Variants in MAP3K8 observed in about 807,000 individuals in gnomAD.
MAP3K8 encodes Ewing sarcoma transformant.
A neutral mutation model predicts 45.8 loss-of-function variants in MAP3K8; 22 were observed. That is an observed-to-expected ratio of 0.48 (90% CI 0.34 to 0.69). MAP3K8 has a LOEUF of 0.69. Among genes scored for constraint, MAP3K8 ranks in the 30% least tolerant of loss-of-function variants. The pLI is 0.01. For synonymous variants in MAP3K8, 223 were observed against 214.3 expected, an observed-to-expected ratio of 1.04 and a Z score of -0.36; for missense variants, 419 against 585.0, an observed-to-expected ratio of 0.72 and a Z score of 2.93.
In MAP3K8 at chr10:30,443,616, G is replaced by A. The variant is rs116996692; in HGVS notation, c.337-4166G>A. 1.2e-4 allele frequency among the ~76,000 whole-genome samples: 19 copies of A among 152,334 alleles called. No homozygotes were observed. The East Asian group carries it at 3.1e-3, about 25-fold the overall frequency. ...GTTGTGATCAGCAGAGTGGGACAGA[G>A]CTAGCTTGGCCTTTGTGCTAGATAA... On this transcript the variant is annotated intron_variant, in intron 3 of 8. Transcript: ENST00000263056.
At chr10:30,459,660 GTT>G (rs758260441) in intron 8 of MAP3K8, among the ~76,000 whole-genome samples, 159 bp downstream of exon 8, 1 of 147,870 alleles carries the variant, frequency 6.8e-6, no homozygotes, top group African/African-American at 2.5e-5. Context: ...GCAGAAGCAT[GTT>G]TTTTTTTTTA....
intron 3 of MAP3K8, 175 bp downstream of exon 3, chr10:30,439,449 A>G (rs1285863520): frequency 8.0e-7 from 1 of 1,243,012 alleles, no homozygotes; most frequent in Admixed American, 3.0e-5. Context: ...AAAAGTCTTC[A>G]TTAAAATTTC....
Position 30,437,380 on chromosome 10 carries a change from T to C in MAP3K8, c.-50T>C. The C allele has an allele frequency of 2.3e-6, 2 of 880,438 alleles. No homozygotes were observed. Among genetic ancestry groups the C allele is most frequent in the East Asian group, 1.2e-4 (1 of 8,290 alleles). 54.5% of individuals were successfully genotyped at this position (880,438 alleles called of 1,614,324 possible). ...CTGAGCACTTTATGAGCTTGAACTC[T>C]GTTAATCCTCACGACCACCTCATGA... is the stretch of plus-strand genomic sequence containing the variant. On this transcript the variant is annotated 5_prime_UTR_variant, in exon 2 of 9. Coordinates refer to ENST00000263056, the MANE Select transcript of MAP3K8 (RefSeq NM_005204.4).
At chr10:30,442,104 G>A (rs1163951598) in intron 3 of MAP3K8, among the ~76,000 whole-genome samples, 1 of 152,220 alleles carries the variant, frequency 6.6e-6, no homozygotes, top group East Asian at 1.9e-4. Context: ...TCTGCAGTGC[G>A]TCGGGTGCTA....
intron 3 of MAP3K8, among the ~76,000 whole-genome samples, chr10:30,446,602 A>G (rs1588775858): frequency 6.6e-6 from 1 of 152,108 alleles, no homozygotes; most frequent in South Asian, 2.1e-4. Flanking sequence ...AAGCCATAAT[A>G]TTACTGATTA....
rs201892819 is a variant in MAP3K8 at position 30,447,863 on chromosome 10, G to T, written c.418G>T (p.Gly140Cys). The T allele has an allele frequency of 1.2e-5, 19 of 1,613,380 alleles. No individual in the cohort carries two copies. The Admixed American group carries it at 2.2e-4, about 18-fold the overall frequency. Reference protein sequence around the residue: ...IPWKLTYRNIGSDFIPRGAFG... With the variant: ...IPWKLTYRNICSDFIPRGAFG... Reference sequence around the variant, plus strand: ...CTGGAAGCTGACTTACAGGAATATTGGTTCTGATTTTATTCCTCGGGGCGC... The same window carrying T: ...CTGGAAGCTGACTTACAGGAATATTTGTTCTGATTTTATTCCTCGGGGCGC... Residue 140 changes from glycine to cysteine, a missense_variant, in exon 4 of 9, where the codon GGT becomes TGT. By Grantham distance (159) the Gly-to-Cys change is radical (BLOSUM62 -3). Around this residue, in one of 3 missense-constraint regions of MAP3K8, gnomAD observed 209 missense variants for 367.3 expected, o/e 0.57. Coordinates refer to ENST00000263056, the MANE Select transcript of MAP3K8 (RefSeq NM_005204.4).
At chr10:30,436,581 A>G (rs763617046) in intron 1 of MAP3K8, among the ~76,000 whole-genome samples, 2 of 152,028 alleles carry the variant, frequency 1.3e-5, no homozygotes, top group African/African-American at 2.4e-5. Flanking sequence ...TTAAAAACTA[A>G]CATCTTGTCT....
chr10:30,435,562 T>G lies in MAP3K8; in HGVS notation c.-255+1184T>G, dbSNP rs549196703. On this transcript the variant is annotated intron_variant, in intron 1 of 8. Transcript: ENST00000263056. ...TATATATGTATATATAATTTTTAAA[T>G]TTTTTTTGAGAGGGGGTTTCACTCT... 9.3e-4 allele frequency among the ~76,000 whole-genome samples: 125 copies of G among 134,998 alleles called. 1 individual carries two copies. The highest frequency in any genetic ancestry group is 4.5e-3 in the African/African-American group (119 of 26,256). The allele number at this position is 134,998 out of a possible 152,430, so 88.6% of individuals were successfully genotyped here.
rs1208299196 is a variant in MAP3K8 at position 30,459,467 on chromosome 10, T to A, written c.1239T>A (p.Ser413Arg). Residue 413 changes from serine (S) to arginine (R), a missense_variant, in exon 8 of 9, where the codon AGT becomes AGA. By Grantham distance (110) the Ser-to-Arg change is moderately radical. Coordinates refer to ENST00000263056, the MANE Select transcript of MAP3K8 (RefSeq NM_005204.4). ...TCTTGGAGCGCAAGAGGCTGCTGAG[T>A]AGGAAGGAGCTGGAACTTCCTGAGA... ...SALLERKRLL[S>R]RKELELPENI... 1 of 1,613,906 alleles carries A rather than the reference T, an allele frequency of 6.2e-7. No individual in the cohort carries two copies. The highest frequency in any genetic ancestry group is 2.2e-5 in the East Asian group (1 of 44,884).
intron 6 of MAP3K8, among the ~76,000 whole-genome samples, chr10:30,453,908 G>A (rs527332976): frequency 2.1e-5 from 2 of 95,334 alleles, no homozygotes; most frequent in African/African-American, 6.1e-5. Flanking sequence ...GGGAGGGAGG[G>A]AGAGAGAGAA....
chr10:30,445,896 T>G (rs539136608), intron 3 of MAP3K8, among the ~76,000 whole-genome samples: 33 of 152,338 alleles, frequency 2.2e-4, no homozygotes, highest in Middle Eastern at 3.4e-3. Context: ...TTAGCAGTGG[T>G]GGAGCTGACT....
At chr10:30,440,198 C>T (rs1057445371) in intron 3 of MAP3K8, among the ~76,000 whole-genome samples, 2 of 152,138 alleles carry the variant, frequency 1.3e-5, no homozygotes, top group African/African-American at 4.8e-5. Flanking sequence ...TTCTGTCAGG[C>T]TTTTAGTATG....
At chr10:30,459,540 T>G (rs1317909561) in intron 8 of MAP3K8, 39 bp downstream of exon 8, 1 of 1,607,990 alleles carries the variant, frequency 6.2e-7, no homozygotes, top group South Asian at 1.1e-5. Context: ...CTTACTTCCC[T>G]TCTCTTTCTG....
chr10:30,458,255 GGGCTGGGGGC>G lies in MAP3K8; in HGVS notation c.1026+23_1026+32del. ...GTACATAGTAAGTGGGGTTCAACCA[GGGCTGGGGGC>G]GGCGGGGGGGGGCGTTGAGTTATGC... On this transcript the variant is annotated intron_variant, in intron 7 of 8. Coordinates refer to ENST00000263056, the MANE Select transcript of MAP3K8 (RefSeq NM_005204.4). 1 of 1,407,186 alleles carries G rather than the reference GGGCTGGGGGC, an allele frequency of 7.1e-7. No homozygotes were observed. The highest frequency in any genetic ancestry group is 9.4e-7 in the Non-Finnish European group (1 of 1,061,382). 87.2% of individuals were successfully genotyped at this position (1,407,186 alleles called of 1,614,324 possible). A position where few individuals can be genotyped will look rare whatever the true frequency, so the allele number is the denominator to read the frequency against.
Position 30,448,049 on chromosome 10 carries a change from TGG to T in MAP3K8, c.504+102_504+103del, listed in dbSNP as rs1213602607. On this transcript the variant is annotated intron_variant, in intron 4 of 8. Coordinates refer to ENST00000263056, the MANE Select transcript of MAP3K8 (RefSeq NM_005204.4). ...TAACCAAAGGTTTTTATCGTTTGAT[TGG>T]GTCTTATCTGAGGGTGCACTGCCTC... 11 of 1,120,964 alleles carry T rather than the reference TGG, an allele frequency of 9.8e-6. No individual in the cohort carries two copies. In the African/African-American group the frequency reaches 1.6e-4, roughly 16 times the overall value. 69.4% of individuals were successfully genotyped at this position (1,120,964 alleles called of 1,614,324 possible). A position where few individuals can be genotyped will look rare whatever the true frequency, so the allele number is the denominator to read the frequency against.
chr10:30,456,220 G>A (rs1418496030), intron 6 of MAP3K8, among the ~76,000 whole-genome samples: 5 of 152,170 alleles, frequency 3.3e-5, no homozygotes, highest in Admixed American at 3.3e-4. Context: ...CACTTAGCAT[G>A]AACTCTACCC....
chr10:30,446,770 T>G (rs1024361683), intron 3 of MAP3K8, among the ~76,000 whole-genome samples: 4 of 152,200 alleles, frequency 2.6e-5, no homozygotes, highest in Non-Finnish European at 5.9e-5. Flanking sequence ...CTTTAAAAAT[T>G]GAAATATATT....
At chr10:30,457,929 G>A (rs1836794146) in intron 6 of MAP3K8, among the ~76,000 whole-genome samples, 155 bp from the exon 7 acceptor site, 1 of 152,082 alleles carries the variant, frequency 6.6e-6, no homozygotes, top group Non-Finnish European at 1.5e-5. Context: ...CAGACTGCAG[G>A]GACACCTCCA....
At chr10:30,448,263 G>A (rs2132808727) in intron 4 of MAP3K8, among the ~76,000 whole-genome samples, 1 of 152,186 alleles carries the variant, frequency 6.6e-6, no homozygotes, top group African/African-American at 2.4e-5. Context: ...CTGCAAAGTA[G>A]GAGCAATTCT....
Sources: allele counts gnomAD v4.1 joint callset (sites outside exome capture counted in the v4.1 genomes callset), GRCh38; gene constraint gnomAD v4.1.1; regional missense constraint gnomAD v4.1.1; transcripts MANE v1.5; gene names NCBI Gene and HGNC (gene_info 2026-07-23, HGNC 2026-07-21).